PPP2R5E: variants seen among roughly 807,000 people sequenced by gnomAD.
The protein encoded by PPP2R5E is serine/threonine-protein phosphatase 2A 56 kDa regulatory subunit epsilon isoform.
PPP2R5E carries 4 observed loss-of-function variants against 65.3 expected under a neutral mutation model. The ratio of observed to expected loss-of-function variants is 0.06; its 90% confidence interval spans 0.03 to 0.14. PPP2R5E has a LOEUF of 0.14. PPP2R5E is among the 10% of genes least tolerant of loss of function. PPP2R5E has a pLI of 1.00. For missense variants in PPP2R5E, 274 were observed against 556.1 expected (o/e 0.49, Z 5.10); for synonymous variants, 183 against 187.4 (o/e 0.98, Z 0.19).
At chr14:63,541,635 TAGACA>T (rs924437883) in intron 1 of PPP2R5E, among the ~76,000 whole-genome samples, 1 of 152,208 alleles carries the variant, frequency 6.6e-6, no homozygotes, top group Non-Finnish European at 1.5e-5. Context: ...GTCATTCCAA[TAGACA>T]AGACAAGTGG....
At chr14:63,508,372 G>T in intron 2 of PPP2R5E, 1 of 261,942 alleles carries the variant, frequency 3.8e-6, no homozygotes, top group Non-Finnish European at 5.9e-6. Context: ...GACCACAATG[G>T]CACATAAAAC....
At chr14:63,404,614 G>A (rs1365520619) in intron 5 of PPP2R5E, among the ~76,000 whole-genome samples, 1 of 152,162 alleles carries the variant, frequency 6.6e-6, no homozygotes, top group Non-Finnish European at 1.5e-5. Context: ...AAAAGGTTGC[G>A]ATCACAAGCT....
In PPP2R5E at chr14:63,371,400, G is replaced by A. The variant is rs1158287089; in HGVS notation, c.*4609C>T. The A allele has an allele frequency of 1.3e-5, 2 of 152,294 alleles. No individual in the cohort carries two copies. Among genetic ancestry groups the A allele is most frequent in the African/African-American group, 4.8e-5 (2 of 41,558 alleles). 9.4% of individuals were successfully genotyped at this position (152,294 alleles called of 1,614,324 possible). On this transcript the variant is annotated 3_prime_UTR_variant, in exon 14 of 14. Coordinates refer to ENST00000337537, the MANE Select transcript of PPP2R5E (RefSeq NM_006246.5). The stretch of plus-strand genomic sequence containing the variant: ...GCTTCTTTATTATGATGCACCCACA[G>A]TACAGAACCTCTCACACATCTGTGA...
At chr14:63,422,729 T>TA (rs567590182) in intron 3 of PPP2R5E, among the ~76,000 whole-genome samples, 7,145 of 87,818 alleles carry the variant, frequency 0.081, 507 homozygotes, top group African/African-American at 0.14. Context: ...TCCGTCTATT[T>TA]AAAAAAAAAA....
chr14:63,383,159 G>A (rs1442766090), intron 12 of PPP2R5E, among the ~76,000 whole-genome samples: 1 of 152,210 alleles, frequency 6.6e-6, no homozygotes, highest in Non-Finnish European at 1.5e-5. Flanking sequence ...TGGGCAATGT[G>A]AGGACAAGGT....
intron 10 of PPP2R5E, among the ~76,000 whole-genome samples, 199 bp from the exon 11 acceptor site, chr14:63,389,930 A>G (rs78666272): frequency 0.023 from 3,497 of 152,296 alleles, 60 homozygotes; most frequent in Non-Finnish European, 0.036. Context: ...GAAAAATTCT[A>G]CGTACTTGGA....
intron 3 of PPP2R5E, among the ~76,000 whole-genome samples, chr14:63,442,941 A>C (rs921964646): frequency 2.6e-5 from 4 of 152,214 alleles, no homozygotes; most frequent in Admixed American, 1.3e-4. Flanking sequence ...TATTAAAAGA[A>C]ACTCTCTGCC....
intron 6 of PPP2R5E, among the ~76,000 whole-genome samples, 170 bp downstream of exon 6, chr14:63,396,416 G>C: frequency 1.5e-5 from 2 of 130,574 alleles, no homozygotes; most frequent in Non-Finnish European, 1.7e-5. Context: ...GGGGAGGAGA[G>C]GAGGGGGAGG....
intron 5 of PPP2R5E, among the ~76,000 whole-genome samples, chr14:63,397,810 G>A (rs965600105): frequency 1.3e-5 from 2 of 148,998 alleles, no homozygotes; most frequent in African/African-American, 2.5e-5. Context: ...TGCAACCTCC[G>A]CCTCCTGTGT....
chr14:63,460,761 C>G (rs539352699), intron 2 of PPP2R5E, among the ~76,000 whole-genome samples: 66 of 152,244 alleles, frequency 4.3e-4, no homozygotes, highest in African/African-American at 1.5e-3. Context: ...CAAATAAAAA[C>G]CAAAGGTCAC....
chr14:63,430,213 A>G (rs1163333208), intron 3 of PPP2R5E, among the ~76,000 whole-genome samples: 1 of 152,174 alleles, frequency 6.6e-6, no homozygotes, highest in East Asian at 1.9e-4. Flanking sequence ...TAGAATTTAT[A>G]TTAAATATTC....
Position 63,375,914 on chromosome 14 carries a change from C to T in PPP2R5E, c.*95G>A. ...AATAATGAAACAAAGGTGAAATCTA[C>T]TGTAAAGTTGCACAATACAGAAAAC... On this transcript the variant is annotated 3_prime_UTR_variant, in exon 14 of 14. Coordinates refer to ENST00000337537, the MANE Select transcript of PPP2R5E (RefSeq NM_006246.5). 1.2e-6 allele frequency: 1 copy of T among 850,188 alleles called. No individual in the cohort carries two copies. The highest frequency in any genetic ancestry group is 1.9e-6 in the Non-Finnish European group (1 of 526,464). The allele number at this position is 850,188 out of a possible 1,614,324, so 52.7% of individuals were successfully genotyped here. A position where few individuals can be genotyped will look rare whatever the true frequency, so the allele number is the denominator to read the frequency against.
At chr14:63,411,519 CCA>C (rs201542904) in intron 5 of PPP2R5E, among the ~76,000 whole-genome samples, 2,065 of 151,576 alleles carry the variant, frequency 0.014, 46 homozygotes, top group African/African-American at 0.048. Context: ...AATGTGATCC[CCA>C]GTGTTGGAGG....
At chr14:63,380,241 A>G (rs761817292) in intron 13 of PPP2R5E, among the ~76,000 whole-genome samples, 1 of 152,208 alleles carries the variant, frequency 6.6e-6, no homozygotes, top group Non-Finnish European at 1.5e-5. Flanking sequence ...ACCTTTAACG[A>G]TGCAACACAG....
chr14:63,497,009 G>C (rs1239141997), intron 2 of PPP2R5E, among the ~76,000 whole-genome samples: 4 of 151,808 alleles, frequency 2.6e-5, no homozygotes, highest in Non-Finnish European at 4.4e-5. Context: ...AACCACCCCA[G>C]TACCCCTCCC....
chr14:63,513,574 G>A (rs747226309), intron 2 of PPP2R5E, among the ~76,000 whole-genome samples: 1 of 152,208 alleles, frequency 6.6e-6, no homozygotes, highest in African/African-American at 2.4e-5. Context: ...TGAACAGATT[G>A]TAGAGCTTGG....
rs112894962 is a variant in PPP2R5E at position 63,393,847 on chromosome 14, G to A, written c.822C>T (p.Val274=). The change falls in exon 8 of 14, where the codon GTC becomes GTT. Residue 274 remains valine, a synonymous_variant. Coordinates refer to ENST00000337537, the MANE Select transcript of PPP2R5E (RefSeq NM_006246.5). The stretch of plus-strand genomic sequence containing the variant: ...GTGCATGGAAGAGTGATAAGCTCCT[G>A]ACAGTGTGTAAAGGGATCAATACTT... ...LVKVLIPLHT[V]RSLSLFHAQL... The A allele has an allele frequency of 6.2e-7, 1 of 1,606,816 alleles. No homozygotes were observed. Among genetic ancestry groups the A allele is most frequent in the Non-Finnish European group, 8.5e-7 (1 of 1,173,560 alleles).
intron 11 of PPP2R5E, among the ~76,000 whole-genome samples, chr14:63,389,358 G>C (rs1007970183): frequency 6.6e-6 from 1 of 151,402 alleles, no homozygotes; most frequent in African/African-American, 2.4e-5. Flanking sequence ...ACATCTGTAT[G>C]TCTTTAAAAA....
chr14:63,398,390 T>C (rs1319310162), intron 5 of PPP2R5E, among the ~76,000 whole-genome samples: 1 of 152,188 alleles, frequency 6.6e-6, no homozygotes, highest in Non-Finnish European at 1.5e-5. Context: ...AAGACAGACA[T>C]ACAGATTAAT....
Sources: gnomAD v4.1 joint callset for allele counts (sites outside exome capture counted in the v4.1 genomes callset) on GRCh38, gnomAD v4.1.1 for gene constraint, MANE v1.5 for transcripts, NCBI Gene and HGNC (gene_info 2026-07-23, HGNC 2026-07-21) for gene names.